Variants in LDB3 observed in about 807,000 individuals in gnomAD.
LDB3 encodes the protein LIM domain binding 3, also known as LIM domain-binding protein 3.
Under a neutral mutation model 69.0 loss-of-function variants are expected in LDB3, and 49 were observed. The ratio of observed to expected loss-of-function variants is 0.71; its 90% CI spans 0.56 to 0.90. The LOEUF (loss-of-function observed/expected upper bound fraction) is 0.90, where lower values mean the gene tolerates loss of function less well. Among genes scored for constraint, LDB3 ranks in the 40% least tolerant of loss-of-function variants. The pLI is 0.00. For missense variants in LDB3, 928 were observed against 974.1 expected, an observed-to-expected ratio of 0.95 and a Z score of 0.63; for synonymous variants, 387 against 396.2, an observed-to-expected ratio of 0.98 and a Z score of 0.28.
rs1445864873 is a variant in LDB3 at position 86,716,431 on chromosome 10, A to G, written c.1336A>G (p.Thr446Ala). The change falls in exon 10 of 14, where the codon ACC becomes GCC. Residue 446 changes from threonine (T) to alanine (A), a missense_variant. By Grantham distance (58) the Thr-to-Ala change is moderately conservative. Transcript: ENST00000361373. ...CACCCCCTCCCCTGCCCCTGCCTACACCCCCTCACCTGTCCCCACCTACAC... is the reference window on the plus strand; with the variant it reads ...CACCCCCTCCCCTGCCCCTGCCTACGCCCCCTCACCTGTCCCCACCTACAC... ...AYTPSPAPAYTPSPVPTYTPS... is the reference protein window; with the variant it reads ...AYTPSPAPAYAPSPVPTYTPS... The G allele has an allele frequency of 9.1e-7, 1 of 1,104,022 alleles. No individual in the cohort carries two copies. Among genetic ancestry groups the G allele is most frequent in the African/African-American group, 3.3e-5 (1 of 29,878 alleles). The allele number at this position is 1,104,022 out of a possible 1,614,324, so 68.4% of individuals were successfully genotyped here. A position where few individuals can be genotyped will look rare whatever the true frequency, so the allele number is the denominator to read the frequency against.
At chr10:86,689,142 C>T (rs1197183896) in intron 5 of LDB3, among the ~76,000 whole-genome samples, 1 of 152,168 alleles carries the variant, frequency 6.6e-6, no homozygotes, top group African/African-American at 2.4e-5. Context: ...CTTCCTCCTT[C>T]ACCCACCCCA....
At chr10:86,702,921 A>G (rs1459247401) in intron 7 of LDB3, among the ~76,000 whole-genome samples, 1 of 152,096 alleles carries the variant, frequency 6.6e-6, no homozygotes, top group Non-Finnish European at 1.5e-5. Context: ...TTACGTGCAT[A>G]CCCAGGTATA....
At chr10:86,711,593 C>G (rs1846668385) in intron 9 of LDB3, among the ~76,000 whole-genome samples, 1 of 151,914 alleles carries the variant, frequency 6.6e-6, no homozygotes, top group Non-Finnish European at 1.5e-5. Context: ...CTCTTCGGAT[C>G]CGGGCGTCAG....
intron 8 of LDB3, among the ~76,000 whole-genome samples, chr10:86,707,617 G>A (rs1305603453): frequency 1.3e-5 from 2 of 152,206 alleles, no homozygotes; most frequent in Non-Finnish European, 2.9e-5. Context: ...TCAGAGCCCA[G>A]GTGTCCCAGG....
chr10:86,666,845 C>G, upstream of LDB3: 1 of 466,660 alleles, frequency 2.1e-6, no homozygotes, highest in South Asian at 1.6e-5. Context: ...GCGTGCAGCT[C>G]CAGGTACAGC....
Position 86,718,827 on chromosome 10 carries a change from G to A in LDB3, c.1958G>A (p.Gly653Glu), listed in dbSNP as rs145007442. ...FGNSLFHMED[G>E]EPYCEKDYIN... The stretch of plus-strand genomic sequence containing the variant: ...AACAGCCTCTTCCACATGGAAGACG[G>A]GGAGCCCTACTGCGAGAAAGGTAGG... The change falls in exon 12 of 14, where the codon GGG (glycine) becomes GAG (glutamate). Residue 653 changes from glycine to glutamate, a missense_variant. Transcript: ENST00000361373. 1 of 1,614,032 alleles carries A rather than the reference G, an allele frequency of 6.2e-7. No homozygotes were observed. The highest frequency in any genetic ancestry group is 8.5e-7 in the Non-Finnish European group (1 of 1,180,030).
chr10:86,695,802 G>C (rs1158499697), intron 7 of LDB3, among the ~76,000 whole-genome samples: 1 of 152,202 alleles, frequency 6.6e-6, no homozygotes, highest in Non-Finnish European at 1.5e-5. Context: ...TTGGGGATAG[G>C]GGTGGGGACA....
In LDB3 at chr10:86,724,135, AC is replaced by A. The variant is rs1847177542; in HGVS notation, c.1979-1998del. Among the ~76,000 whole-genome samples, 5 of 150,920 alleles carry A rather than the reference AC, an allele frequency of 3.3e-5. No homozygotes were observed. The South Asian group carries it at 1.0e-3, about 32-fold the overall frequency. On this transcript the variant is annotated intron_variant, in intron 12 of 13. Coordinates refer to ENST00000361373, the MANE Select transcript of LDB3 (RefSeq NM_007078.3). Reference sequence around the variant, plus strand: ...AGACCAGCCTGGCCAAAATGGTGAAACCCCGTCTCTACTGAAAATACAAAAA... The same window carrying A: ...AGACCAGCCTGGCCAAAATGGTGAAACCCGTCTCTACTGAAAATACAAAAA...
intron 7 of LDB3, among the ~76,000 whole-genome samples, chr10:86,698,627 C>G (rs1240126096): frequency 6.6e-6 from 1 of 152,244 alleles, no homozygotes; most frequent in East Asian, 1.9e-4. Context: ...GGCCCTGTAT[C>G]TGTGACAGTG....
At chr10:86,720,359 G>A (rs1001818485) in intron 12 of LDB3, among the ~76,000 whole-genome samples, 3 of 151,964 alleles carry the variant, frequency 2.0e-5, no homozygotes, top group Non-Finnish European at 4.4e-5. Flanking sequence ...TTGAAGAATC[G>A]CTTGAACCCG....
At chr10:86,697,646 C>T (rs541575847) in intron 7 of LDB3, among the ~76,000 whole-genome samples, 69 of 149,388 alleles carry the variant, frequency 4.6e-4, no homozygotes, top group African/African-American at 1.6e-3. Context: ...CTCCGCCTCC[C>T]GGGTTCAAGT....
In LDB3 at chr10:86,728,386, G is replaced by A. The variant is rs375790365; in HGVS notation, c.2094+2134G>A. Reference sequence around the variant, plus strand: ...CACAACAGCAAAAGTCCAAGAGAGAGACCAGAAGAAGGCGTAAAGCTTGGG... The same window carrying A: ...CACAACAGCAAAAGTCCAAGAGAGAAACCAGAAGAAGGCGTAAAGCTTGGG... On this transcript the variant is annotated intron_variant, in intron 13 of 13. Transcript: ENST00000361373. 1.3e-3 allele frequency among the ~76,000 whole-genome samples: 197 copies of A among 152,258 alleles called. 1 individual carries two copies. Among genetic ancestry groups the A allele is most frequent in the African/African-American group, 4.5e-3 (187 of 41,538 alleles).
intron 2 of LDB3, among the ~76,000 whole-genome samples, chr10:86,676,732 A>G (rs1170232220): frequency 1.3e-5 from 2 of 152,194 alleles, no homozygotes; most frequent in East Asian, 1.9e-4. Flanking sequence ...TGCAGAAACA[A>G]CTCAGTTCCT....
rs1042142385 is a variant in LDB3 at position 86,733,274 on chromosome 10, T to C, written c.*298T>C. On this transcript the variant is annotated 3_prime_UTR_variant, in exon 14 of 14. Transcript: ENST00000361373. ...TCAAAAGTGAAAAGCAACAAGCAGC[T>C]TTCCCAAAGCGATACACTTGCTTTG... 5.2e-6 allele frequency: 2 copies of C among 387,492 alleles called. No homozygotes were observed. The highest frequency in any genetic ancestry group is 9.9e-6 in the Non-Finnish European group (2 of 202,860). The allele number at this position is 387,492 out of a possible 1,614,324, so 24.0% of individuals were successfully genotyped here. A position where few individuals can be genotyped will look rare whatever the true frequency, so the allele number is the denominator to read the frequency against.
chr10:86,680,195 T>C (rs771482044), intron 4 of LDB3, 38 bp downstream of exon 4: 1 of 1,588,734 alleles, frequency 6.3e-7, no homozygotes, highest in Non-Finnish European at 8.6e-7. Flanking sequence ...CACTCAGCCC[T>C]GGTTCCTGGA....
intron 5 of LDB3, chr10:86,685,605 C>T (rs1220379498): frequency 4.0e-6 from 6 of 1,487,954 alleles, no homozygotes; most frequent in Non-Finnish European, 5.6e-6. Context: ...CTGATGATGG[C>T]CCCGGCGCTC....
intron 5 of LDB3, among the ~76,000 whole-genome samples, chr10:86,691,607 G>A (rs1845765116): frequency 6.6e-6 from 1 of 152,188 alleles, no homozygotes; most frequent in Non-Finnish European, 1.5e-5. Context: ...GGAATCTAGG[G>A]GTGGAAATGT....
intron 7 of LDB3, among the ~76,000 whole-genome samples, chr10:86,706,046 T>C (rs1846426606): frequency 6.6e-6 from 1 of 152,120 alleles, no homozygotes; most frequent in Non-Finnish European, 1.5e-5. Context: ...AAAGCCTAGG[T>C]TCTCACAACT....
At chr10:86,730,465 T>A (rs1286927154) in intron 13 of LDB3, among the ~76,000 whole-genome samples, 5 of 152,162 alleles carry the variant, frequency 3.3e-5, no homozygotes, top group African/African-American at 1.2e-4. Context: ...TACATACTAG[T>A]AGTCCAGCAA....
Sources: allele counts gnomAD v4.1 joint callset (sites outside exome capture counted in the v4.1 genomes callset), GRCh38; gene constraint gnomAD v4.1.1; transcripts MANE v1.5; gene names NCBI Gene and HGNC (gene_info 2026-07-23, HGNC 2026-07-21).